DDX10: variants seen among roughly 807,000 people sequenced by gnomAD.
DDX10 encodes the protein DEAD-box helicase 10, also known as probable ATP-dependent RNA helicase DDX10.
Under a neutral mutation model 104.3 loss-of-function variants are expected in DDX10, and 74 were observed. The ratio of observed to expected loss-of-function variants is 0.71; its 90% CI spans 0.59 to 0.86. DDX10 has a LOEUF of 0.86. DDX10 is among the 40% of genes least tolerant of loss of function. The pLI is 0.00. For synonymous variants in DDX10, 351 were observed against 353.4 expected (o/e 0.99, Z 0.08); for missense variants, 952 against 1,040.0 (o/e 0.92, Z 1.16).
chr11:108,921,054 C>T (rs911732265), intron 17 of DDX10: 3 of 152,178 alleles, frequency 2.0e-5, no homozygotes, highest in African/African-American at 7.2e-5. Context: ...AGCACAGTCT[C>T]TGTCAATCAA....
At chr11:108,911,985 T>C (rs1038944411) in intron 16 of DDX10, among the ~76,000 whole-genome samples, 1 of 152,154 alleles carries the variant, frequency 6.6e-6, no homozygotes, top group African/African-American at 2.4e-5. Flanking sequence ...AGAGGTCTGA[T>C]GTGTACGACT....
chr11:108,937,792 A>ATAG (rs1864055210), intron 17 of DDX10, among the ~76,000 whole-genome samples: 1 of 152,172 alleles, frequency 6.6e-6, no homozygotes. Context: ...TCTGATTTTT[A>ATAG]TAGTAGTAGT....
chr11:108,671,934 G>A (rs376809285), intron 1 of DDX10, among the ~76,000 whole-genome samples: 10 of 151,960 alleles, frequency 6.6e-5, no homozygotes, highest in Admixed American at 2.6e-4. Context: ...GGTGGTGGGC[G>A]CCTGTAGCCC....
intron 15 of DDX10, among the ~76,000 whole-genome samples, chr11:108,846,952 T>C (rs1862727686): frequency 6.6e-6 from 1 of 152,204 alleles, no homozygotes; most frequent in African/African-American, 2.4e-5. Flanking sequence ...CTGTAACTGC[T>C]TTGGATCATT....
chr11:108,687,837 A>G (rs2094246702), intron 6 of DDX10, among the ~76,000 whole-genome samples: 1 of 152,198 alleles, frequency 6.6e-6, no homozygotes, highest in Admixed American at 6.5e-5. Flanking sequence ...GTCATATCTA[A>G]AACCAGTTGA....
At chr11:108,721,572 G>T (rs1051506164) in intron 12 of DDX10, among the ~76,000 whole-genome samples, 26 of 152,236 alleles carry the variant, frequency 1.7e-4, no homozygotes, top group African/African-American at 5.8e-4. Context: ...TTTGCTTTTT[G>T]TGATGCTTAG....
chr11:108,750,398 T>C (rs144631208), intron 13 of DDX10, among the ~76,000 whole-genome samples: 93 of 152,318 alleles, frequency 6.1e-4, no homozygotes, highest in African/African-American at 2.1e-3. Flanking sequence ...ATGGGAAATA[T>C]GAATCTTAAG....
chr11:108,688,604 A>G (rs921696800), intron 6 of DDX10, among the ~76,000 whole-genome samples: 1 of 152,180 alleles, frequency 6.6e-6, no homozygotes, highest in Non-Finnish European at 1.5e-5. Context: ...CAGTAATCTA[A>G]AGCCCTAATG....
intron 16 of DDX10, among the ~76,000 whole-genome samples, chr11:108,880,641 C>T (rs1591108246): frequency 6.6e-6 from 1 of 152,100 alleles, no homozygotes; most frequent in South Asian, 2.1e-4. Context: ...ACAAGGAAAA[C>T]GTAGGCACTT....
chr11:108,845,718 A>G (rs1295574481), intron 15 of DDX10, among the ~76,000 whole-genome samples: 2 of 152,220 alleles, frequency 1.3e-5, no homozygotes, highest in Non-Finnish European at 2.9e-5. Flanking sequence ...CATTTCTTTT[A>G]ATGTATATTA....
intron 17 of DDX10, among the ~76,000 whole-genome samples, chr11:108,933,843 C>A (rs1246580118): frequency 1.3e-5 from 2 of 152,154 alleles, no homozygotes; most frequent in Non-Finnish European, 2.9e-5. Flanking sequence ...GTATGACATA[C>A]AGTAGGCCAG....
intron 13 of DDX10, among the ~76,000 whole-genome samples, chr11:108,830,399 A>G (rs1401076251): frequency 2.6e-5 from 4 of 152,062 alleles, no homozygotes; most frequent in Admixed American, 6.5e-5. Context: ...TTAATTTTGT[A>G]TCCTGAAAGT....
chr11:108,688,019 A>G (rs1181190330), intron 6 of DDX10, among the ~76,000 whole-genome samples: 1 of 152,210 alleles, frequency 6.6e-6, no homozygotes. Flanking sequence ...TGTCCTAGAC[A>G]TCACTCCTCA....
intron 13 of DDX10, among the ~76,000 whole-genome samples, chr11:108,774,942 C>T (rs1003911126): frequency 1.3e-5 from 2 of 152,172 alleles, no homozygotes; most frequent in Non-Finnish European, 2.9e-5. Context: ...ATTTATATGA[C>T]TGGGTGGCCG....
chr11:108,691,473 A>C (rs1281405064), intron 7 of DDX10, among the ~76,000 whole-genome samples: 1 of 152,224 alleles, frequency 6.6e-6, no homozygotes, highest in Non-Finnish European at 1.5e-5. Flanking sequence ...ACAGTTTTTT[A>C]AATCAAATCC....
intron 16 of DDX10, among the ~76,000 whole-genome samples, chr11:108,896,354 AT>A (rs11447538): frequency 4.0e-5 from 6 of 148,584 alleles, no homozygotes; most frequent in African/African-American, 1.5e-4. Flanking sequence ...TCCTTCACAT[AT>A]TTTTTTTTTT....
rs557935032 is a variant in DDX10 at position 108,867,122 on chromosome 11, A to C, written c.2304+14913A>C. ...TGCTAGGTTGACATCAAACAAAAGG[A>C]AACATTAAGTCACAGGTTATTACCA... On this transcript the variant is annotated intron_variant, in intron 16 of 17. Coordinates refer to ENST00000322536, the MANE Select transcript of DDX10 (RefSeq NM_004398.4). 4.6e-5 allele frequency among the ~76,000 whole-genome samples: 7 copies of C among 152,296 alleles called. No individual in the cohort carries two copies. In the East Asian group the frequency reaches 1.3e-3, roughly 29 times the overall value.
intron 13 of DDX10, among the ~76,000 whole-genome samples, chr11:108,817,137 C>A (rs1317053463): frequency 6.6e-6 from 1 of 152,194 alleles, no homozygotes; most frequent in East Asian, 1.9e-4. Context: ...CTTAAATTTG[C>A]AGTTTCCAAG....
chr11:108,820,968 GA>G (rs1486539613), intron 13 of DDX10, among the ~76,000 whole-genome samples: 7 of 152,196 alleles, frequency 4.6e-5, no homozygotes, highest in Non-Finnish European at 8.8e-5. Flanking sequence ...TACTCTCAAA[GA>G]AAATTGATCT....
Sources: allele counts gnomAD v4.1 joint callset (sites outside exome capture counted in the v4.1 genomes callset), GRCh38; gene constraint gnomAD v4.1.1; transcripts MANE v1.5; gene names NCBI Gene and HGNC (gene_info 2026-07-23, HGNC 2026-07-21).